The following DYNC1I1 variants were observed in gnomAD, a reference collection of about 807,000 sequenced individuals.
The protein encoded by DYNC1I1 is dynein cytoplasmic 1 intermediate chain 1.
In DYNC1I1, 43 loss-of-function variants were observed where a neutral mutation model predicts 86.6. The ratio of observed to expected loss-of-function variants is 0.50; its 90% CI spans 0.39 to 0.64. The LOEUF is 0.64. Ranked by LOEUF, DYNC1I1 falls within the 30% of genes least tolerant of loss-of-function variation. The pLI is 0.00. For missense variants in DYNC1I1, 604 were observed against 788.8 expected (o/e 0.77, Z 2.81); for synonymous variants, 262 against 283.7 (o/e 0.92, Z 0.77).
At chr7:96,040,702 T>C (rs1789016574) in intron 14 of DYNC1I1, among the ~76,000 whole-genome samples, 3 of 151,602 alleles carry the variant, frequency 2.0e-5, no homozygotes, top group African/African-American at 7.3e-5. Context: ...AGCAGTGATC[T>C]TCACAAATGA....
intron 1 of DYNC1I1, among the ~76,000 whole-genome samples, chr7:95,783,332 C>T (rs1408216894): frequency 1.3e-5 from 2 of 152,160 alleles, no homozygotes; most frequent in African/African-American, 2.4e-5. Context: ...TAGCTTCCTT[C>T]CGTAGTTGTT....
At chr7:95,899,275 G>T (rs1189091280) in intron 6 of DYNC1I1, among the ~76,000 whole-genome samples, 1 of 152,178 alleles carries the variant, frequency 6.6e-6, no homozygotes, top group Non-Finnish European at 1.5e-5. Flanking sequence ...TCCAAGCATA[G>T]TAATCTTGCT....
chr7:95,945,807 A>G (rs1467519838), intron 6 of DYNC1I1, among the ~76,000 whole-genome samples: 3 of 152,204 alleles, frequency 2.0e-5, no homozygotes, highest in Admixed American at 2.0e-4. Flanking sequence ...ACACTAACAC[A>G]TCAACAATAT....
chr7:95,820,296 A>T (rs1420581305), intron 4 of DYNC1I1, among the ~76,000 whole-genome samples: 4 of 152,356 alleles, frequency 2.6e-5, no homozygotes, highest in Non-Finnish European at 5.9e-5. Flanking sequence ...TTTGAATACC[A>T]TCCTTTCTTA....
intron 6 of DYNC1I1, among the ~76,000 whole-genome samples, chr7:95,925,819 T>C (rs1028800669): frequency 6.6e-6 from 1 of 152,216 alleles, no homozygotes; most frequent in Non-Finnish European, 1.5e-5. Context: ...TACATTTTAC[T>C]GGATTTAAAA....
At chr7:95,885,908 T>A (rs1387829732) in intron 6 of DYNC1I1, among the ~76,000 whole-genome samples, 1 of 152,202 alleles carries the variant, frequency 6.6e-6, no homozygotes, top group Admixed American at 6.5e-5. Context: ...GCACTTAATT[T>A]TTTGGCCTCT....
At chr7:95,827,944 G>T in intron 4 of DYNC1I1, 113 bp from the exon 5 acceptor site, 1 of 996,510 alleles carries the variant, frequency 1.0e-6, no homozygotes. Context: ...GACATGTTCT[G>T]TGTATGTATT....
chr7:95,948,983 G>A (rs1792478801), intron 6 of DYNC1I1, among the ~76,000 whole-genome samples: 1 of 152,134 alleles, frequency 6.6e-6, no homozygotes, highest in Non-Finnish European at 1.5e-5. Context: ...TTTCCTTTGA[G>A]ACCATAAAGT....
intron 14 of DYNC1I1, among the ~76,000 whole-genome samples, chr7:96,058,966 CAGTTGTATTCTAT>C (rs1269081460): frequency 2.8e-4 from 42 of 152,124 alleles, no homozygotes; most frequent in African/African-American, 1.0e-3. Context: ...TTATGTACAA[CAGTTGTATTCTAT>C]AAAGTTGCCA....
At chr7:95,827,968 C>A in intron 4 of DYNC1I1, 89 bp from the exon 5 acceptor site, 1 of 1,350,396 alleles carries the variant, frequency 7.4e-7, no homozygotes, top group Non-Finnish European at 1.1e-6. Flanking sequence ...TATGCTCTTG[C>A]CTTGATGAAT....
intron 7 of DYNC1I1, among the ~76,000 whole-genome samples, chr7:95,978,349 C>A (rs997918635): frequency 6.6e-6 from 1 of 152,048 alleles, no homozygotes; most frequent in Non-Finnish European, 1.5e-5. Context: ...TAGCACTGTG[C>A]CTGTAAGTAG....
intron 3 of DYNC1I1, among the ~76,000 whole-genome samples, chr7:95,810,820 T>C (rs1794814054): frequency 6.6e-6 from 1 of 152,132 alleles, no homozygotes; most frequent in Non-Finnish European, 1.5e-5. Flanking sequence ...TAAGAAATCT[T>C]GGAATGTCTT....
chr7:95,906,200 A>G (rs1317178960), intron 6 of DYNC1I1, among the ~76,000 whole-genome samples: 2 of 152,174 alleles, frequency 1.3e-5, no homozygotes, highest in Non-Finnish European at 1.5e-5. Flanking sequence ...TGTAATGAAT[A>G]TAGCATGGAC....
intron 16 of DYNC1I1, among the ~76,000 whole-genome samples, chr7:96,086,709 A>G (rs1790691481): frequency 6.6e-6 from 1 of 152,212 alleles, no homozygotes; most frequent in Non-Finnish European, 1.5e-5. Flanking sequence ...CTTGGAAAAG[A>G]AAGATGTGGG....
At chr7:95,827,989 G>C in intron 4 of DYNC1I1, 68 bp from the exon 5 acceptor site, 5 of 1,523,772 alleles carry the variant, frequency 3.3e-6, no homozygotes, top group Non-Finnish European at 4.6e-6. Flanking sequence ...GACATAGTTT[G>C]GTTTGGTTTG....
At chr7:96,062,516 T>C (rs1193590857) in intron 14 of DYNC1I1, among the ~76,000 whole-genome samples, 1 of 152,186 alleles carries the variant, frequency 6.6e-6, no homozygotes, top group Non-Finnish European at 1.5e-5. Context: ...GTAGCATCAT[T>C]AATACTGTGT....
chr7:96,081,618 A>G lies in DYNC1I1; in HGVS notation c.1776+1130A>G, dbSNP rs940041445. ...GCATTCCAGGGGGAAAATATACCAC[A>G]TTTGTATGCATAGCATCCTAGACCT... On this transcript the variant is annotated intron_variant, in intron 16 of 16. Coordinates refer to ENST00000447467, the MANE Select transcript of DYNC1I1 (RefSeq NM_001135556.2). 9.8e-5 allele frequency among the ~76,000 whole-genome samples: 15 copies of G among 152,316 alleles called. No individual in the cohort carries two copies. In the East Asian group the frequency reaches 2.7e-3, roughly 27 times the overall value.
chr7:95,787,553 G>A (rs112431146), intron 1 of DYNC1I1, among the ~76,000 whole-genome samples: 218 of 152,256 alleles, frequency 1.4e-3, no homozygotes, highest in African/African-American at 5.0e-3. Context: ...AGTACATAAG[G>A]CTAGGAACAG....
chr7:95,918,982 T>C (rs1004354226), intron 6 of DYNC1I1, among the ~76,000 whole-genome samples: 4 of 152,206 alleles, frequency 2.6e-5, no homozygotes, highest in Admixed American at 1.3e-4. Context: ...TGTTTTTTAC[T>C]CTAGCCTTTG....
Sources: gnomAD v4.1 joint callset for allele counts (sites outside exome capture counted in the v4.1 genomes callset) on GRCh38, gnomAD v4.1.1 for gene constraint, MANE v1.5 for transcripts, NCBI Gene and HGNC (gene_info 2026-07-23, HGNC 2026-07-21) for gene names.